Variants in TUT4 observed in about 807,000 individuals in gnomAD.
The protein encoded by TUT4 is terminal uridylyltransferase 4.
A neutral mutation model predicts 192.2 loss-of-function variants in TUT4; 36 were observed. The observed-to-expected ratio is 0.19, with a 90% CI of 0.14 to 0.25. The LOEUF (loss-of-function observed/expected upper bound fraction) is 0.25, where lower values mean the gene tolerates loss of function less well. Among genes scored for constraint, TUT4 ranks in the 10% least tolerant of loss-of-function variants. TUT4 has a pLI of 1.00. For synonymous variants in TUT4, 618 were observed against 666.0 expected (o/e 0.93, Z 1.11); for missense variants, 1,493 against 1,957.2 (o/e 0.76, Z 4.47).
At chr1:52,473,236 A>G (rs554857738) in intron 13 of TUT4, among the ~76,000 whole-genome samples, 63 of 152,302 alleles carry the variant, frequency 4.1e-4, no homozygotes, top group African/African-American at 1.4e-3. Context: ...ATGTATATTT[A>G]CATAGAATGA....
intron 19 of TUT4, among the ~76,000 whole-genome samples, chr1:52,459,923 G>T (rs1382602627): frequency 6.6e-6 from 1 of 151,940 alleles, no homozygotes; most frequent in Non-Finnish European, 1.5e-5. Flanking sequence ...AAAATATAGG[G>T]GAGGGGGGAG....
chr1:52,484,544 T>C (rs970051554), intron 9 of TUT4, among the ~76,000 whole-genome samples: 13 of 152,196 alleles, frequency 8.5e-5, no homozygotes, highest in African/African-American at 3.1e-4. Context: ...TATTTACATA[T>C]ACATACTCCT....
intron 28 of TUT4, among the ~76,000 whole-genome samples, chr1:52,426,859 A>G (rs1374336262): frequency 2.0e-5 from 3 of 152,222 alleles, no homozygotes; most frequent in African/African-American, 7.2e-5. Flanking sequence ...CTCATTAAAG[A>G]TAATTTGAAA....
At chr1:52,455,289 T>C (rs1660559141) in intron 20 of TUT4, among the ~76,000 whole-genome samples, 1 of 151,842 alleles carries the variant, frequency 6.6e-6, no homozygotes, top group South Asian at 2.1e-4. Flanking sequence ...CTCTCAAAAA[T>C]AAATAAATAG....
chr1:52,487,406 C>T (rs979497902), intron 9 of TUT4, among the ~76,000 whole-genome samples: 1 of 151,838 alleles, frequency 6.6e-6, no homozygotes, highest in African/African-American at 2.4e-5. Flanking sequence ...TAGCCGTGAT[C>T]GCTCACTCCA....
chr1:52,435,944 A>T (rs1653636460), intron 26 of TUT4, among the ~76,000 whole-genome samples: 1 of 151,816 alleles, frequency 6.6e-6, no homozygotes. Context: ...ACACACACAC[A>T]AACCTTTCTG....
At chr1:52,548,221 CAT>C (rs1558038893) in intron 1 of TUT4, among the ~76,000 whole-genome samples, 2 of 152,098 alleles carry the variant, frequency 1.3e-5, no homozygotes, top group African/African-American at 2.4e-5. Context: ...ATACTCAGCA[CAT>C]GACTAGCACT....
intron 4 of TUT4, among the ~76,000 whole-genome samples, chr1:52,503,988 G>C (rs1237199080): frequency 2.0e-5 from 3 of 152,128 alleles, no homozygotes; most frequent in Non-Finnish European, 4.4e-5. Context: ...ATAAGTTCCA[G>C]ATCCTTATAT....
chr1:52,514,834 G>A (rs1678287745), intron 3 of TUT4: 1 of 148,352 alleles, frequency 6.7e-6, no homozygotes, highest in Non-Finnish European at 1.5e-5. Flanking sequence ...CTGGTGTGCA[G>A]TGGCACAATC....
chr1:52,469,836 A>G (rs1665211008), intron 14 of TUT4, among the ~76,000 whole-genome samples: 1 of 146,318 alleles, frequency 6.8e-6, no homozygotes. Flanking sequence ...GCTTGCAGTG[A>G]GCTGAGATGG....
chr1:52,480,691 G>A (rs771539818), intron 11 of TUT4, among the ~76,000 whole-genome samples: 1 of 152,158 alleles, frequency 6.6e-6, no homozygotes, highest in Non-Finnish European at 1.5e-5. Context: ...GAAAAGACAA[G>A]AAAGGATGAG....
At chr1:52,511,641 A>G (rs543859751) in intron 3 of TUT4, among the ~76,000 whole-genome samples, 1 of 152,278 alleles carries the variant, frequency 6.6e-6, no homozygotes, top group Non-Finnish European at 1.5e-5. Context: ...CATTTCAAGC[A>G]GAGGGAAAAG....
chr1:52,487,512 T>A (rs1325865489), intron 9 of TUT4, among the ~76,000 whole-genome samples: 1 of 152,146 alleles, frequency 6.6e-6, no homozygotes, highest in Admixed American at 6.5e-5. Flanking sequence ...ATACACTGAT[T>A]TCCTATAGTA....
At chr1:52,504,594 C>T (rs1470556601) in intron 4 of TUT4, among the ~76,000 whole-genome samples, 1 of 152,070 alleles carries the variant, frequency 6.6e-6, no homozygotes, top group Non-Finnish European at 1.5e-5. Context: ...AGCGCCACTG[C>T]ACTTCAGTCT....
At chr1:52,523,371 C>T (rs892456659) in intron 2 of TUT4, among the ~76,000 whole-genome samples, 1 of 151,990 alleles carries the variant, frequency 6.6e-6, no homozygotes, top group Non-Finnish European at 1.5e-5. Context: ...TTTGGGAGGT[C>T]AAGGTGGGGG....
chr1:52,463,621 A>G, intron 16 of TUT4: 1 of 1,298,698 alleles, frequency 7.7e-7, no homozygotes, highest in Admixed American at 2.3e-5. Flanking sequence ...GCATTTTGAA[A>G]CATAAATAAC....
At chr1:52,451,659 T>C (rs947729683) in intron 20 of TUT4, among the ~76,000 whole-genome samples, 1 of 151,844 alleles carries the variant, frequency 6.6e-6, no homozygotes, top group Non-Finnish European at 1.5e-5. Context: ...CTGGCCAACA[T>C]TGGTGAAACG....
At chr1:52,500,720 C>A (rs959035121) in intron 4 of TUT4, among the ~76,000 whole-genome samples, 4 of 152,014 alleles carry the variant, frequency 2.6e-5, no homozygotes, top group African/African-American at 7.2e-5. Flanking sequence ...CGAGATTGTG[C>A]CATTGCACTC....
chr1:52,481,294 A>T, intron 11 of TUT4, 129 bp downstream of exon 11: 1 of 932,470 alleles, frequency 1.1e-6, no homozygotes, highest in Non-Finnish European at 1.6e-6. Flanking sequence ...CCCTCACTTT[A>T]TAGATGAGGA....
Sources: gnomAD v4.1 joint callset for allele counts (sites outside exome capture counted in the v4.1 genomes callset) on GRCh38, gnomAD v4.1.1 for gene constraint, MANE v1.5 for transcripts, NCBI Gene and HGNC (gene_info 2026-07-23, HGNC 2026-07-21) for gene names.